The following TMEM132C variants were observed in gnomAD, a reference collection of about 807,000 sequenced individuals.
TMEM132C encodes the protein transmembrane protein 132C, also known as protein phosphatase 1, regulatory subunit 152.
TMEM132C carries 29 observed loss-of-function variants against 61.4 expected under a neutral mutation model. The ratio of observed to expected loss-of-function variants is 0.47; its 90% CI spans 0.35 to 0.64. The LOEUF is 0.64. Ranked by LOEUF, TMEM132C falls within the 30% of genes least tolerant of loss-of-function variation. The pLI, the probability that TMEM132C is intolerant of heterozygous loss-of-function variation, is 0.00. For missense variants in TMEM132C, 1,408 were observed against 1,476.9 expected (o/e 0.95, Z 0.76); for synonymous variants, 656 against 633.1 (o/e 1.04, Z -0.54).
At chr12:128,656,122 C>G (rs996059891) in intron 4 of TMEM132C, among the ~76,000 whole-genome samples, 9 of 152,328 alleles carry the variant, frequency 5.9e-5, no homozygotes, top group Admixed American at 2.6e-4. Flanking sequence ...AGGATCTCAG[C>G]TCACTGCAAC....
chr12:128,452,946 G>A (rs1333833503), intron 2 of TMEM132C, among the ~76,000 whole-genome samples: 1 of 152,104 alleles, frequency 6.6e-6, no homozygotes, highest in Non-Finnish European at 1.5e-5. Context: ...AAGTTAGAAA[G>A]GCACACTGTA....
chr12:128,282,120 AC>A (rs1870918386), intron 1 of TMEM132C, among the ~76,000 whole-genome samples: 1 of 152,184 alleles, frequency 6.6e-6, no homozygotes, highest in Non-Finnish European at 1.5e-5. Flanking sequence ...TGTCCCATGA[AC>A]CATCTCAGAG....
intron 2 of TMEM132C, among the ~76,000 whole-genome samples, chr12:128,529,686 T>C (rs1873216314): frequency 6.6e-6 from 1 of 152,130 alleles, no homozygotes. Context: ...CTCAGGAGGC[T>C]GAGGCAGGAG....
chr12:128,290,529 C>T lies in TMEM132C; in HGVS notation c.85+23042C>T, dbSNP rs948110392. Reference sequence around the variant, plus strand: ...GTGGGGACACAGAGCTAAACCATATCGGACACTGAAGATGTGTGACGCACT... The same window carrying T: ...GTGGGGACACAGAGCTAAACCATATTGGACACTGAAGATGTGTGACGCACT... On this transcript the variant is annotated intron_variant, in intron 1 of 8. Transcript: ENST00000435159. Among the ~76,000 whole-genome samples, 7 of 152,248 alleles carry T rather than the reference C, an allele frequency of 4.6e-5. 1 individual carries two copies. In the South Asian group the frequency reaches 1.0e-3, roughly 23 times the overall value.
At chr12:128,419,828 A>G (rs1213153276) in intron 2 of TMEM132C, among the ~76,000 whole-genome samples, 1 of 152,158 alleles carries the variant, frequency 6.6e-6, no homozygotes, top group Non-Finnish European at 1.5e-5. Context: ...GCATTGTTCT[A>G]CAGCACTGAA....
At position 128,645,746 on chromosome 12, in the gene TMEM132C, C is replaced by A. The variant is rs144955064; in HGVS notation, c.1306-23671C>A. Among the ~76,000 whole-genome samples the A allele has an allele frequency of 3.7e-3, 563 of 152,332 alleles. 6 individuals carry two copies. Among genetic ancestry groups the A allele is most frequent in the African/African-American group, 0.013 (536 of 41,578 alleles). On this transcript the variant is annotated intron_variant, in intron 4 of 8. Transcript: ENST00000435159. ...CAGCGTTGGATGGGAGTGTGTTTAGCTCAGTCCATCAGCGTTGGATGAGTG... is the reference window on the plus strand; with the variant it reads ...CAGCGTTGGATGGGAGTGTGTTTAGATCAGTCCATCAGCGTTGGATGAGTG...
At chr12:128,618,916 A>G (rs1876900130) in intron 4 of TMEM132C, among the ~76,000 whole-genome samples, 1 of 152,234 alleles carries the variant, frequency 6.6e-6, no homozygotes, top group Non-Finnish European at 1.5e-5. Context: ...AGCTATGCAA[A>G]GCAACATGGA....
chr12:128,322,252 C>T lies in TMEM132C; in HGVS notation c.85+54765C>T, dbSNP rs190962967. ...TAGAGAGGCTGCCTGTAAGTGTTCC[C>T]GCTGACAGTCCAGCTGAAAGACAAC... On this transcript the variant is annotated intron_variant, in intron 1 of 8. Transcript: ENST00000435159. Among the ~76,000 whole-genome samples, 167 of 152,278 alleles carry T rather than the reference C, an allele frequency of 1.1e-3. 1 individual carries two copies. In the South Asian group the frequency reaches 0.011, roughly 10 times the overall value.
chr12:128,340,159 T>A (rs1872910823), intron 1 of TMEM132C, among the ~76,000 whole-genome samples: 1 of 152,216 alleles, frequency 6.6e-6, no homozygotes, highest in Non-Finnish European at 1.5e-5. Context: ...AGTATGGGGA[T>A]GTGCCGAAGG....
chr12:128,319,373 C>T (rs1038089538), intron 1 of TMEM132C, among the ~76,000 whole-genome samples: 1 of 139,468 alleles, frequency 7.2e-6, no homozygotes, highest in African/African-American at 2.6e-5. Flanking sequence ...GAGAGAGAGA[C>T]AGAGAGACAG....
intron 2 of TMEM132C, among the ~76,000 whole-genome samples, chr12:128,422,833 A>G (rs1869035358): frequency 6.6e-6 from 1 of 152,174 alleles, no homozygotes; most frequent in African/African-American, 2.4e-5. Flanking sequence ...TGACAACCAA[A>G]ATGTCTCCAG....
intron 1 of TMEM132C, among the ~76,000 whole-genome samples, chr12:128,363,427 G>A (rs1362310617): frequency 1.3e-5 from 2 of 152,132 alleles, no homozygotes; most frequent in Non-Finnish European, 2.9e-5. Flanking sequence ...CTATGTAACC[G>A]GCTTCAGTAA....
At chr12:128,654,311 C>G (rs572132257) in intron 4 of TMEM132C, among the ~76,000 whole-genome samples, 25 of 152,214 alleles carry the variant, frequency 1.6e-4, no homozygotes, top group African/African-American at 5.8e-4. Flanking sequence ...ACACAAGACC[C>G]AGAATTGCAG....
chr12:128,293,179 G>T (rs1415818576), intron 1 of TMEM132C, among the ~76,000 whole-genome samples: 1 of 152,068 alleles, frequency 6.6e-6, no homozygotes, highest in African/African-American at 2.4e-5. Flanking sequence ...ACTCCCTCTG[G>T]TCTCATTTTG....
chr12:128,541,132 T>C (rs1214713626), intron 2 of TMEM132C, among the ~76,000 whole-genome samples: 2 of 152,148 alleles, frequency 1.3e-5, no homozygotes, highest in Admixed American at 6.5e-5. Context: ...CTCACAGAGT[T>C]CAGGGAAACA....
intron 1 of TMEM132C, among the ~76,000 whole-genome samples, chr12:128,387,540 G>A (rs1480925717): frequency 6.6e-5 from 10 of 152,284 alleles, no homozygotes; most frequent in South Asian, 2.1e-4. Flanking sequence ...AGCTGGGCAC[G>A]GTGGCTCACA....
intron 2 of TMEM132C, among the ~76,000 whole-genome samples, chr12:128,532,455 A>G (rs1873347045): frequency 6.6e-6 from 1 of 151,874 alleles, no homozygotes; most frequent in South Asian, 2.1e-4. Context: ...CCTGGCCAAC[A>G]TGATGAAACC....
At chr12:128,514,823 G>A (rs371976188) in intron 2 of TMEM132C, among the ~76,000 whole-genome samples, 4 of 152,340 alleles carry the variant, frequency 2.6e-5, no homozygotes, top group African/African-American at 9.6e-5. Flanking sequence ...AGGTGTAGTA[G>A]TGAACACAGC....
intron 2 of TMEM132C, among the ~76,000 whole-genome samples, chr12:128,425,065 G>A (rs1352162881): frequency 6.6e-6 from 1 of 152,204 alleles, no homozygotes; most frequent in Non-Finnish European, 1.5e-5. Flanking sequence ...CAGGGATATA[G>A]GTGAGGGAAG....
Sources: allele counts gnomAD v4.1 joint callset (sites outside exome capture counted in the v4.1 genomes callset), GRCh38; gene constraint gnomAD v4.1.1; transcripts MANE v1.5; gene names NCBI Gene and HGNC (gene_info 2026-07-23, HGNC 2026-07-21).